The following SEPTIN7 variants were observed in gnomAD, a reference collection of about 807,000 sequenced individuals.
SEPTIN7 encodes the protein septin 7, also known as septin-7.
In SEPTIN7, 10 loss-of-function variants were observed where a neutral mutation model predicts 63.3. The ratio of observed to expected loss-of-function variants is 0.16; its 90% CI spans 0.10 to 0.27. The LOEUF (loss-of-function observed/expected upper bound fraction) is 0.27, where lower values mean the gene tolerates loss of function less well. SEPTIN7 is among the 10% of genes least tolerant of loss of function. The probability of loss-of-function intolerance (pLI) is 1.00; values close to 1 mark genes in which losing one functional copy is unlikely to be tolerated. For synonymous variants in SEPTIN7, 131 were observed against 165.3 expected (o/e 0.79, Z 1.59); for missense variants, 310 against 521.0 (o/e 0.59, Z 3.94).
intron 4 of SEPTIN7, among the ~76,000 whole-genome samples, chr7:35,870,586 A>G (rs998743639): frequency 2.0e-5 from 3 of 152,122 alleles, no homozygotes; most frequent in African/African-American, 7.2e-5. Context: ...TATAAAGGAG[A>G]TGGAAGTGAA....
At chr7:35,881,220 C>A (rs966633458) in intron 7 of SEPTIN7, among the ~76,000 whole-genome samples, 4 of 151,626 alleles carry the variant, frequency 2.6e-5, no homozygotes, top group African/African-American at 4.8e-5. Context: ...TTTACACTTA[C>A]CCATTCCCAT....
chr7:35,827,191 A>T (rs1431379416), intron 1 of SEPTIN7, among the ~76,000 whole-genome samples: 1 of 152,216 alleles, frequency 6.6e-6, no homozygotes, highest in Non-Finnish European at 1.5e-5. Flanking sequence ...TTCTTCTTAA[A>T]TGACTAATGT....
chr7:35,866,524 C>T (rs1371122418), intron 4 of SEPTIN7, among the ~76,000 whole-genome samples: 1 of 152,062 alleles, frequency 6.6e-6, no homozygotes, highest in Non-Finnish European at 1.5e-5. Flanking sequence ...GAATAAGGAG[C>T]AAGATATTAA....
downstream of SEPTIN7, among the ~76,000 whole-genome samples, chr7:35,909,676 A>G (rs1207432597): frequency 6.6e-6 from 1 of 152,234 alleles, no homozygotes; most frequent in Admixed American, 6.5e-5. Context: ...CAGAGCATTC[A>G]CATAGATTGT....
rs79460898 is a variant in SEPTIN7, at chr7:35,871,999, G to T, written c.277-667G>T. On this transcript the variant is annotated intron_variant, in intron 4 of 13. Coordinates refer to ENST00000350320, the MANE Select transcript of SEPTIN7 (RefSeq NM_001788.6). Reference sequence around the variant, plus strand: ...ATCATTTAAGTCCAATAATCAGTTAGTAAGGTTTCACCCTACCAGAATACA... The same window carrying T: ...ATCATTTAAGTCCAATAATCAGTTATTAAGGTTTCACCCTACCAGAATACA... 6.1e-3 allele frequency among the ~76,000 whole-genome samples: 932 copies of T among 152,260 alleles called. 6 individuals are homozygous for T. Among genetic ancestry groups the T allele is most frequent in the African/African-American group, 0.021 (890 of 41,540 alleles).
At chr7:35,842,292 G>A (rs1346726227) in intron 3 of SEPTIN7, among the ~76,000 whole-genome samples, 1 of 151,482 alleles carries the variant, frequency 6.6e-6, no homozygotes, top group Non-Finnish European at 1.5e-5. Flanking sequence ...TCCCATGAAA[G>A]ACCTTTGTAG....
chr7:35,856,435 A>G (rs1249559795), intron 3 of SEPTIN7, among the ~76,000 whole-genome samples: 1 of 152,216 alleles, frequency 6.6e-6, no homozygotes, highest in African/African-American at 2.4e-5. Flanking sequence ...AAGCTGCTGC[A>G]AATACCTGTG....
intron 6 of SEPTIN7, among the ~76,000 whole-genome samples, chr7:35,875,118 C>T (rs1786392674): frequency 6.6e-6 from 1 of 152,052 alleles, no homozygotes; most frequent in South Asian, 2.1e-4. Flanking sequence ...CCTTCCATCC[C>T]CTTGGGGAAA....
At chr7:35,808,249 C>T (rs201583726) in intron 1 of SEPTIN7, among the ~76,000 whole-genome samples, 11 of 152,252 alleles carry the variant, frequency 7.2e-5, no homozygotes, top group East Asian at 1.9e-4. Context: ...TCCTAGTCCT[C>T]GGCATCCTGT....
In SEPTIN7 at chr7:35,882,635, C is replaced by T. The variant is rs139747656; in HGVS notation, c.723+59C>T. 243 of 1,258,618 alleles carry T rather than the reference C, an allele frequency of 1.9e-4. 1 individual carries two copies. In the East Asian group the frequency reaches 6.8e-3, roughly 35 times the overall value. 78.0% of individuals were successfully genotyped at this position (1,258,618 alleles called of 1,614,324 possible). A position where few individuals can be genotyped will look rare whatever the true frequency, so the allele number is the denominator to read the frequency against. ...CTGAGGCCTTAAAAACATACTACAGCGTCCACAGGAAAGATCAAAAGTATC... is the reference window on the plus strand; with the variant it reads ...CTGAGGCCTTAAAAACATACTACAGTGTCCACAGGAAAGATCAAAAGTATC... On this transcript the variant is annotated intron_variant, in intron 8 of 13. Transcript: ENST00000350320.
rs1286379276 is a variant in SEPTIN7, at chr7:35,832,806, G to A, written c.75G>A (p.Lys25=). 6.2e-7 allele frequency: 1 copy of A among 1,604,402 alleles called. No homozygotes were observed. The change falls in exon 3 of 14, where the codon AAG becomes AAA. Residue 25 remains lysine (K), a synonymous_variant. Transcript: ENST00000350320. ...CTTTTTGCTTTTGTCAGCAACAGAA[G>A]AACCTTGAAGGCTATGTGGGATTTG... ...VNSSTMVAQQ[K]NLEGYVGFAN... is the part of the protein sequence containing the mutation.
chr7:35,896,283 TTAATA>T (rs1161408343), intron 11 of SEPTIN7, among the ~76,000 whole-genome samples: 2 of 152,198 alleles, frequency 1.3e-5, no homozygotes, highest in African/African-American at 4.8e-5. Flanking sequence ...GATTTCTAAT[TTAATA>T]TATTTACAAT....
rs1487697461 is a variant in SEPTIN7, at chr7:35,801,239, TGAG to T, written c.34_36del (p.Glu12del). ...CGGTCAGTGCGAGATCCGCTGCTGC[TGAG>T]GAGAGGAGCGTCAACAGCAGCACCA... On this transcript the variant is annotated inframe_deletion, in exon 1 of 14. Transcript: ENST00000350320. The T allele has an allele frequency of 3.9e-6, 6 of 1,534,892 alleles. No homozygotes were observed. The highest frequency in any genetic ancestry group is 2.6e-5 in the East Asian group (1 of 38,022).
intron 1 of SEPTIN7, among the ~76,000 whole-genome samples, chr7:35,821,870 CG>C (rs1227790393): frequency 2.6e-5 from 4 of 152,298 alleles, no homozygotes; most frequent in African/African-American, 9.6e-5. Context: ...CATCCACCTC[CG>C]GGGTTCAGAT....
chr7:35,888,960 G>C (rs10268627), intron 10 of SEPTIN7: 7,583 of 258,180 alleles, frequency 0.029, 179 homozygotes, highest in Non-Finnish European at 0.04. Context: ...CTTCAATCTT[G>C]AGTTATGAAT....
rs564740781 is a variant in SEPTIN7, at chr7:35,865,153, G to T, written c.276+1495G>T. Among the ~76,000 whole-genome samples, 29 of 151,696 alleles carry T rather than the reference G, an allele frequency of 1.9e-4. No homozygotes were observed. In the East Asian group the frequency reaches 5.4e-3, roughly 28 times the overall value. On this transcript the variant is annotated intron_variant, in intron 4 of 13. Coordinates refer to ENST00000350320, the MANE Select transcript of SEPTIN7 (RefSeq NM_001788.6). ...TATTGGAAATTTTAATCCTAAGCAA[G>T]AAAATGAACTTTGAACTTTCTTAAT...
In SEPTIN7 at chr7:35,875,106, T is replaced by C. The variant is rs572420907; in HGVS notation, c.512+1331T>C. The stretch of plus-strand genomic sequence containing the variant: ...GTTTAGTAATTCTCATGAAGTCACA[T>C]TCCTTCCATCCCCTTGGGGAAAATT... On this transcript the variant is annotated intron_variant, in intron 6 of 13. Transcript: ENST00000350320. Among the ~76,000 whole-genome samples the C allele has an allele frequency of 1.8e-3, 268 of 152,302 alleles. 1 individual carries two copies. Among genetic ancestry groups the C allele is most frequent in the African/African-American group, 6.2e-3 (256 of 41,582 alleles).
intron 3 of SEPTIN7, among the ~76,000 whole-genome samples, chr7:35,843,857 A>G (rs768512253): frequency 1.2e-4 from 18 of 152,202 alleles, no homozygotes; most frequent in African/African-American, 3.6e-4. Flanking sequence ...CCAGAACCCT[A>G]AGTAAGCAGA....
At chr7:35,832,600 A>G (rs566039398) in intron 2 of SEPTIN7, 198 bp from the exon 3 acceptor site, 40 of 476,854 alleles carry the variant, frequency 8.4e-5, no homozygotes, top group South Asian at 8.2e-4. Flanking sequence ...ATTAACCATT[A>G]TATTGTCAGT....
Sources: allele counts gnomAD v4.1 joint callset (sites outside exome capture counted in the v4.1 genomes callset), GRCh38; gene constraint gnomAD v4.1.1; transcripts MANE v1.5; gene names NCBI Gene and HGNC (gene_info 2026-07-23, HGNC 2026-07-21).